SIK2: variants seen among roughly 807,000 people sequenced by gnomAD.
The protein encoded by SIK2 is salt inducible kinase 2, also known as serine/threonine-protein kinase SIK2.
A neutral mutation model predicts 103.2 loss-of-function variants in SIK2; 29 were observed. The observed-to-expected ratio is 0.28, with a 90% CI of 0.21 to 0.38. The LOEUF is 0.38. SIK2 is among the 10% of genes least tolerant of loss of function. The probability of loss-of-function intolerance (pLI) is 1.00; values close to 1 mark genes in which losing one functional copy is unlikely to be tolerated. For synonymous variants in SIK2, 412 were observed against 446.1 expected (o/e 0.92, Z 0.96); for missense variants, 879 against 1,171.0 (o/e 0.75, Z 3.64).
chr11:111,620,879 C>T (rs1282885505), intron 3 of SIK2, among the ~76,000 whole-genome samples: 1 of 152,134 alleles, frequency 6.6e-6, no homozygotes, highest in Non-Finnish European at 1.5e-5. Flanking sequence ...ATCACTAAAC[C>T]TCTCTGGGAC....
At chr11:111,708,158 G>C (rs1943401003) in intron 8 of SIK2, among the ~76,000 whole-genome samples, 1 of 152,194 alleles carries the variant, frequency 6.6e-6, no homozygotes, top group South Asian at 2.1e-4. Flanking sequence ...AAGGCAGGTG[G>C]TTTGCTTGAA....
At chr11:111,631,880 A>G (rs1782442904) in intron 3 of SIK2, among the ~76,000 whole-genome samples, 1 of 152,194 alleles carries the variant, frequency 6.6e-6, no homozygotes. Flanking sequence ...TTATGGTGGC[A>G]TGCTGGGAAT....
At chr11:111,605,621 C>A (rs1037241812) in intron 1 of SIK2, among the ~76,000 whole-genome samples, 2 of 152,142 alleles carry the variant, frequency 1.3e-5, no homozygotes, top group African/African-American at 2.4e-5. Flanking sequence ...AAGTTTGACT[C>A]TGAGGCAAAT....
At chr11:111,657,746 G>A (rs1020981803) in intron 3 of SIK2, among the ~76,000 whole-genome samples, 3 of 152,146 alleles carry the variant, frequency 2.0e-5, no homozygotes, top group South Asian at 2.1e-4. Flanking sequence ...GGTGGGGGGA[G>A]GTGGGGAGTA....
Position 111,666,592 on chromosome 11 carries a change from A to G in SIK2, c.317-21409A>G, listed in dbSNP as rs1010213307. Among the ~76,000 whole-genome samples, 7 of 152,302 alleles carry G rather than the reference A, an allele frequency of 4.6e-5. No homozygotes were observed. The East Asian group carries it at 1.3e-3, about 29-fold the overall frequency. On this transcript the variant is annotated intron_variant, in intron 3 of 14. Transcript: ENST00000304987. ...CAGTAATCTTGTTTTGTTTTGTGGCACTAAAATAAATCTAGACACTTAAAT... is the reference window on the plus strand; with the variant it reads ...CAGTAATCTTGTTTTGTTTTGTGGCGCTAAAATAAATCTAGACACTTAAAT...
At chr11:111,675,330 G>A (rs1486037206) in intron 3 of SIK2, among the ~76,000 whole-genome samples, 1 of 152,184 alleles carries the variant, frequency 6.6e-6, no homozygotes, top group African/African-American at 2.4e-5. Context: ...ACAAAGTCAC[G>A]TGACAAAGGG....
At chr11:111,711,443 C>G (rs1006129606) in intron 8 of SIK2, among the ~76,000 whole-genome samples, 1 of 152,170 alleles carries the variant, frequency 6.6e-6, no homozygotes, top group Non-Finnish European at 1.5e-5. Context: ...TTAAAAGAAG[C>G]ATTTGTAATG....
chr11:111,682,426 G>T (rs951810723), intron 3 of SIK2, among the ~76,000 whole-genome samples: 5 of 152,114 alleles, frequency 3.3e-5, no homozygotes, highest in African/African-American at 1.2e-4. Flanking sequence ...GTTCATCTTG[G>T]TTTGTATCCT....
chr11:111,637,893 C>T (rs1942131123), intron 3 of SIK2, among the ~76,000 whole-genome samples: 1 of 151,086 alleles, frequency 6.6e-6, no homozygotes, highest in Admixed American at 6.6e-5. Context: ...TTTGTTTTTT[C>T]CTGTTGGTGT....
chr11:111,612,920 ATATATATATAT>A (rs199919587), intron 1 of SIK2, among the ~76,000 whole-genome samples: 88,731 of 140,886 alleles, frequency 0.63, 30,426 homozygotes, highest in East Asian at 0.96. Context: ...AATGGGATAT[ATATATATATAT>A]ATATATATAT....
chr11:111,652,367 T>C lies in SIK2; in HGVS notation c.316+31965T>C, dbSNP rs548551035. 4.6e-5 allele frequency among the ~76,000 whole-genome samples: 7 copies of C among 152,306 alleles called. 1 individual carries two copies. Among genetic ancestry groups the C allele is most frequent in the African/African-American group, 1.7e-4 (7 of 41,572 alleles). On this transcript the variant is annotated intron_variant, in intron 3 of 14. Coordinates refer to ENST00000304987, the MANE Select transcript of SIK2 (RefSeq NM_015191.3). ...TGTGAGGATTATGGAATGTAAGGAA[T>C]GACAGAAATTGGTAGAGCAGCGAAA... is the stretch of plus-strand genomic sequence containing the variant.
intron 3 of SIK2, among the ~76,000 whole-genome samples, chr11:111,649,804 C>A (rs1172423166): frequency 6.6e-6 from 1 of 152,110 alleles, no homozygotes; most frequent in Admixed American, 6.5e-5. Context: ...AAGGAAGATA[C>A]TGCAAATACT....
chr11:111,650,415 G>A (rs1453843582), intron 3 of SIK2, among the ~76,000 whole-genome samples: 2 of 151,988 alleles, frequency 1.3e-5, no homozygotes, highest in East Asian at 1.9e-4. Flanking sequence ...AAGCTCTTAC[G>A]ACAATAACTT....
chr11:111,640,798 G>C (rs1165075743), intron 3 of SIK2, among the ~76,000 whole-genome samples: 1 of 127,154 alleles, frequency 7.9e-6, no homozygotes, highest in Non-Finnish European at 1.6e-5. Context: ...GCAGTGGCGC[G>C]ATCTCAGCTC....
At chr11:111,618,662 A>T (rs1191762932) in intron 2 of SIK2, among the ~76,000 whole-genome samples, 1 of 152,144 alleles carries the variant, frequency 6.6e-6, no homozygotes, top group Non-Finnish European at 1.5e-5. Context: ...TAACACAGAG[A>T]TCCCATCTCT....
At chr11:111,666,055 A>G (rs897550165) in intron 3 of SIK2, among the ~76,000 whole-genome samples, 2 of 152,178 alleles carry the variant, frequency 1.3e-5, no homozygotes, top group African/African-American at 4.8e-5. Flanking sequence ...TGAAGCTAGT[A>G]TAAATGATGC....
Position 111,651,826 on chromosome 11 carries a change from G to T in SIK2, c.316+31424G>T, listed in dbSNP as rs575442472. 1.2e-4 allele frequency among the ~76,000 whole-genome samples: 19 copies of T among 152,180 alleles called. No homozygotes were observed. The South Asian group carries it at 4.0e-3, about 32-fold the overall frequency. On this transcript the variant is annotated intron_variant, in intron 3 of 14. Coordinates refer to ENST00000304987, the MANE Select transcript of SIK2 (RefSeq NM_015191.3). ...TTGCTACAGCGTAAGTTGCTATTTGGCTTTGTCAGTGGCAAATACATTATT... is the reference window on the plus strand; with the variant it reads ...TTGCTACAGCGTAAGTTGCTATTTGTCTTTGTCAGTGGCAAATACATTATT...
At chr11:111,635,623 A>G (rs1942100111) in intron 3 of SIK2, among the ~76,000 whole-genome samples, 1 of 152,248 alleles carries the variant, frequency 6.6e-6, no homozygotes, top group Admixed American at 6.5e-5. Flanking sequence ...GAAGAATGGA[A>G]TGGATCTGTC....
chr11:111,697,665 A>G (rs1360833099), intron 4 of SIK2, among the ~76,000 whole-genome samples: 1 of 152,100 alleles, frequency 6.6e-6, no homozygotes, highest in Non-Finnish European at 1.5e-5. Context: ...CTAACACCAA[A>G]GTCTTCCTTA....
Sources: gnomAD v4.1 joint callset for allele counts (sites outside exome capture counted in the v4.1 genomes callset) on GRCh38, gnomAD v4.1.1 for gene constraint, MANE v1.5 for transcripts, NCBI Gene and HGNC (gene_info 2026-07-23, HGNC 2026-07-21) for gene names.